The following NEGR1 variants were observed in gnomAD, a reference collection of about 807,000 sequenced individuals.
The protein encoded by NEGR1 is IgLON family member 4.
A neutral mutation model predicts 40.9 loss-of-function variants in NEGR1; 10 were observed. The observed-to-expected ratio is 0.24, with a 90% CI of 0.15 to 0.42. The LOEUF (loss-of-function observed/expected upper bound fraction) is 0.42, where lower values mean the gene tolerates loss of function less well. NEGR1 is among the 10% of genes least tolerant of loss of function. The pLI, the probability that NEGR1 is intolerant of heterozygous loss-of-function variation, is 1.00. For missense variants in NEGR1, 352 were observed against 438.9 expected (o/e 0.80, Z 1.77); for synonymous variants, 185 against 166.8 (o/e 1.11, Z -0.84).
intron 2 of NEGR1, among the ~76,000 whole-genome samples, chr1:71,813,992 T>C (rs182133245): frequency 6.6e-6 from 1 of 152,106 alleles, no homozygotes; most frequent in Non-Finnish European, 1.5e-5. Context: ...AGAGATGACA[T>C]CCTTGTCTTG....
chr1:72,093,698 A>G (rs2100547870), intron 1 of NEGR1, among the ~76,000 whole-genome samples: 1 of 152,296 alleles, frequency 6.6e-6, no homozygotes, highest in East Asian at 1.9e-4. Flanking sequence ...AGTCTCATTT[A>G]GGCCTTACTT....
intron 4 of NEGR1, among the ~76,000 whole-genome samples, chr1:71,684,515 C>T (rs1422299978): frequency 1.3e-5 from 2 of 151,478 alleles, no homozygotes; most frequent in African/African-American, 2.4e-5. Context: ...TGTGTGTGTG[C>T]GTGCGTGCAC....
intron 6 of NEGR1, among the ~76,000 whole-genome samples, chr1:71,588,087 T>C (rs1307388634): frequency 6.6e-6 from 1 of 152,158 alleles, no homozygotes; most frequent in Non-Finnish European, 1.5e-5. Context: ...TAGAAATAAC[T>C]ATGTTTTACT....
intron 1 of NEGR1, among the ~76,000 whole-genome samples, chr1:72,116,515 T>C (rs1649585701): frequency 6.6e-6 from 1 of 151,742 alleles, no homozygotes; most frequent in African/African-American, 2.4e-5. Context: ...TTGTTCTATC[T>C]ATAGAAGATA....
intron 2 of NEGR1, among the ~76,000 whole-genome samples, chr1:71,904,273 G>A (rs775683956): frequency 3.3e-5 from 5 of 151,876 alleles, no homozygotes; most frequent in Admixed American, 1.3e-4. Context: ...ATTGTTAATC[G>A]AGAAGTTATA....
intron 6 of NEGR1, among the ~76,000 whole-genome samples, chr1:71,428,629 T>C (rs903370357): frequency 6.7e-6 from 1 of 149,960 alleles, no homozygotes; most frequent in African/African-American, 2.4e-5. Context: ...AAACTTTGCA[T>C]ATATAAATTT....
At chr1:71,959,406 T>C (rs1029036799) in intron 1 of NEGR1, among the ~76,000 whole-genome samples, 2 of 152,164 alleles carry the variant, frequency 1.3e-5, no homozygotes, top group African/African-American at 4.8e-5. Context: ...CAAACCCAAA[T>C]AAATTACAAA....
chr1:72,152,080 C>A (rs1360103868), intron 1 of NEGR1, among the ~76,000 whole-genome samples: 1 of 151,722 alleles, frequency 6.6e-6, no homozygotes. Flanking sequence ...ACATCCTACG[C>A]AAGCTTATAT....
At chr1:71,996,710 AG>A (rs1646507515) in intron 1 of NEGR1, among the ~76,000 whole-genome samples, 1 of 152,210 alleles carries the variant, frequency 6.6e-6, no homozygotes, top group East Asian at 1.9e-4. Context: ...ATGCCTTCAA[AG>A]TTTCAGGCAT....
intron 1 of NEGR1, among the ~76,000 whole-genome samples, chr1:72,094,994 C>T (rs1305691733): frequency 6.6e-6 from 1 of 152,118 alleles, no homozygotes; most frequent in Non-Finnish European, 1.5e-5. Flanking sequence ...TTCTCCCCAC[C>T]ACTACAGTAC....
intron 1 of NEGR1, among the ~76,000 whole-genome samples, chr1:71,935,957 C>T (rs1645901450): frequency 3.3e-5 from 5 of 152,136 alleles, no homozygotes; most frequent in Admixed American, 3.3e-4. Context: ...TGCCACTGTG[C>T]CCAGCTAATT....
Position 72,282,392 on chromosome 1 carries a change from C to T in NEGR1, c.103G>A (p.Gly35Arg), listed in dbSNP as rs749574790. 9.3e-6 allele frequency: 15 copies of T among 1,613,962 alleles called. No individual in the cohort carries two copies. The highest frequency in any genetic ancestry group is 1.2e-5 in the Non-Finnish European group (14 of 1,179,968). Residue 35 changes from glycine to arginine, a missense_variant, in exon 1 of 7, where the codon GGA (glycine) becomes AGA (arginine). By Grantham distance (125) the Gly-to-Arg change is moderately radical. Around this residue, in one of 5 missense-constraint regions of NEGR1, gnomAD observed 81 missense variants for 85.8 expected, o/e 0.94. Coordinates refer to ENST00000357731, the MANE Select transcript of NEGR1 (RefSeq NM_173808.3). ...CCLLPSCLPA[G>R]QSVDFPWAAV... is the part of the protein sequence containing the mutation. ...GCCCAGGGGAAGTCCACACTCTGTC[C>T]AGCCGGGAGGCAGGAGGGTAGCAGG...
intron 4 of NEGR1, among the ~76,000 whole-genome samples, chr1:71,684,378 ACTTT>A (rs924498046): frequency 5.3e-5 from 8 of 152,210 alleles, no homozygotes; most frequent in African/African-American, 1.9e-4. Flanking sequence ...TTTAATTAAA[ACTTT>A]CTTTAAGCGT....
At chr1:71,688,682 C>G (rs1033560466) in intron 4 of NEGR1, among the ~76,000 whole-genome samples, 1 of 151,814 alleles carries the variant, frequency 6.6e-6, no homozygotes, top group African/African-American at 2.4e-5. Context: ...GTCTCGAACT[C>G]CTAACCTGAG....
chr1:72,109,897 T>C (rs1196504716), intron 1 of NEGR1, among the ~76,000 whole-genome samples: 1 of 151,650 alleles, frequency 6.6e-6, no homozygotes, highest in East Asian at 1.9e-4. Context: ...AATAAAATTA[T>C]TAAACCTTCT....
chr1:71,413,094 C>A (rs1372528641), intron 6 of NEGR1, among the ~76,000 whole-genome samples: 1 of 152,110 alleles, frequency 6.6e-6, no homozygotes, highest in Non-Finnish European at 1.5e-5. Flanking sequence ...ACTGGACTAA[C>A]CTAGGCAAGT....
chr1:71,398,199 T>C lies in NEGR1; in HGVS notation c.*9247A>G, dbSNP rs555485011. On this transcript the variant is annotated 3_prime_UTR_variant, in exon 7 of 7. Coordinates refer to ENST00000357731, the MANE Select transcript of NEGR1 (RefSeq NM_173808.3). ...AGTGAGCCCCACACAGAGTCCCTAC[T>C]GGGACACCACGTAGTGGAGCTGTGA... The C allele has an allele frequency of 2.2e-4, 33 of 152,430 alleles. No individual in the cohort carries two copies. Among genetic ancestry groups the C allele is most frequent in the African/African-American group, 7.9e-4 (33 of 41,590 alleles). The allele number at this position is 152,430 out of a possible 1,614,324, so 9.4% of individuals were successfully genotyped here. A position where few individuals can be genotyped will look rare whatever the true frequency, so the allele number is the denominator to read the frequency against.
chr1:71,700,496 T>A (rs1653652089), intron 3 of NEGR1, among the ~76,000 whole-genome samples: 1 of 152,028 alleles, frequency 6.6e-6, no homozygotes, highest in African/African-American at 2.4e-5. Context: ...TATTTGTACT[T>A]ATATCAGTTG....
At chr1:71,567,628 T>G (rs1648660428) in intron 6 of NEGR1, among the ~76,000 whole-genome samples, 1 of 152,212 alleles carries the variant, frequency 6.6e-6, no homozygotes, top group Non-Finnish European at 1.5e-5. Context: ...TCTGTGTTAT[T>G]CATTCTAGAT....
Sources: gnomAD v4.1 joint callset for allele counts (sites outside exome capture counted in the v4.1 genomes callset) on GRCh38, gnomAD v4.1.1 for gene constraint, gnomAD v4.1.1 regional missense constraint, MANE v1.5 for transcripts, NCBI Gene and HGNC (gene_info 2026-07-23, HGNC 2026-07-21) for gene names.